Variants in IL34 observed in about 807,000 individuals in gnomAD.
The protein encoded by IL34 is interleukin-34.
A neutral mutation model predicts 25.3 loss-of-function variants in IL34; 17 were observed. That is an observed-to-expected ratio of 0.67 (90% CI 0.46 to 1.01). The LOEUF is 1.01. Among genes scored for constraint, IL34 ranks in the 50% least tolerant of loss-of-function variants. The pLI is 0.00. For missense variants in IL34, 368 were observed against 312.9 expected, an observed-to-expected ratio of 1.18 and a Z score of -1.33; for synonymous variants, 174 against 140.9, an observed-to-expected ratio of 1.23 and a Z score of -1.66.
chr16:70,613,036 G>T (rs185643843), intron 1 of IL34, among the ~76,000 whole-genome samples: 87 of 152,302 alleles, frequency 5.7e-4, no homozygotes, highest in African/African-American at 1.9e-3. Context: ...GCCTCCCAAA[G>T]TGCTGGGATT....
At chr16:70,611,836 T>C (rs1422038538) in intron 1 of IL34, among the ~76,000 whole-genome samples, 1 of 151,256 alleles carries the variant, frequency 6.6e-6, no homozygotes, top group Non-Finnish European at 1.5e-5. Flanking sequence ...AGAGCAAGAC[T>C]CTGTCTTAAA....
At chr16:70,628,493 A>ATTTT (rs899078206) in intron 1 of IL34, among the ~76,000 whole-genome samples, 18 of 146,300 alleles carry the variant, frequency 1.2e-4, no homozygotes, top group African/African-American at 4.2e-4. Context: ...TTATTTATTT[A>ATTTT]TTTTTTTTTT....
chr16:70,656,671 AC>A lies in IL34; in HGVS notation c.234del (p.Arg79GlyfsTer7). 2.2e-6 allele frequency: 3 copies of A among 1,370,532 alleles called. No individual in the cohort carries two copies. Among genetic ancestry groups the A allele is most frequent in the Non-Finnish European group, 3.1e-6 (3 of 957,556 alleles). The allele number at this position is 1,370,532 out of a possible 1,614,324, so 84.9% of individuals were successfully genotyped here. ...GGGGGTGTTCAGAATCGCCAACGTC[AC>A]CAGGCTGGTGAGAATCCCTTCCTGG... ...YEGVFRIANV[T>X]RLQRAQVSER... On this transcript the variant is annotated frameshift_variant, in exon 3 of 6. Transcript: ENST00000288098. LOFTEE classifies it high-confidence loss of function.
intron 1 of IL34, among the ~76,000 whole-genome samples, chr16:70,640,737 T>C (rs2051762460): frequency 6.6e-6 from 1 of 152,198 alleles, no homozygotes; most frequent in Non-Finnish European, 1.5e-5. Context: ...CTCATCCTCT[T>C]TAAGCATACG....
At chr16:70,596,410 G>C (rs1394421459) in intron 1 of IL34, among the ~76,000 whole-genome samples, 3 of 152,210 alleles carry the variant, frequency 2.0e-5, no homozygotes, top group Non-Finnish European at 2.9e-5. Context: ...AGAGGACCGT[G>C]GTCATGACAG....
chr16:70,658,505 C>T (rs941662101), intron 4 of IL34, among the ~76,000 whole-genome samples: 9 of 150,978 alleles, frequency 6.0e-5, no homozygotes, highest in African/African-American at 1.2e-4. Flanking sequence ...TTTTTTGAGG[C>T]GGAGTCTCAC....
At chr16:70,607,213 T>C (rs1410716474) in intron 1 of IL34, among the ~76,000 whole-genome samples, 2 of 152,226 alleles carry the variant, frequency 1.3e-5, no homozygotes, top group African/African-American at 4.8e-5. Context: ...GCTATTCTCC[T>C]GCCTCAGCCT....
chr16:70,645,783 G>A (rs1044663308), upstream of IL34, among the ~76,000 whole-genome samples: 1 of 152,168 alleles, frequency 6.6e-6, no homozygotes, highest in Non-Finnish European at 1.5e-5. Flanking sequence ...GCCGGGTGCG[G>A]TGGCTCACGC....
Position 70,651,916 on chromosome 16 carries a change from C to T in IL34, c.29-2622C>T, listed in dbSNP as rs537544484. 5.3e-5 allele frequency among the ~76,000 whole-genome samples: 8 copies of T among 149,918 alleles called. No individual in the cohort carries two copies. In the East Asian group the frequency reaches 1.6e-3, roughly 30 times the overall value. On this transcript the variant is annotated intron_variant, in intron 1 of 5. Transcript: ENST00000288098. Reference sequence around the variant, plus strand: ...TGAGGTGGGTGGATCACGAGGTCAGCAGTTCAAGAGCAGCCTGGCCAACCT... The same window carrying T: ...TGAGGTGGGTGGATCACGAGGTCAGTAGTTCAAGAGCAGCCTGGCCAACCT...
intron 1 of IL34, among the ~76,000 whole-genome samples, chr16:70,609,432 G>A (rs2051058577): frequency 6.6e-6 from 1 of 152,054 alleles, no homozygotes. Context: ...TTAAGTCCTG[G>A]GACCAGTGCT....
chr16:70,619,554 C>G (rs970034681), intron 1 of IL34, among the ~76,000 whole-genome samples: 6 of 151,992 alleles, frequency 3.9e-5, no homozygotes, highest in Non-Finnish European at 7.4e-5. Context: ...TCAATACCCA[C>G]AACAGTTATG....
At chr16:70,596,448 G>A (rs909630021) in intron 1 of IL34, among the ~76,000 whole-genome samples, 12 of 152,208 alleles carry the variant, frequency 7.9e-5, no homozygotes, top group African/African-American at 2.9e-4. Context: ...GGGAGCGTGA[G>A]TTGCTGCAAA....
intron 1 of IL34, among the ~76,000 whole-genome samples, chr16:70,592,742 C>T (rs1240705841): frequency 6.6e-6 from 1 of 152,110 alleles, no homozygotes; most frequent in Non-Finnish European, 1.5e-5. Flanking sequence ...GCAGCCTCTG[C>T]CTCCTGGGTG....
upstream of IL34, among the ~76,000 whole-genome samples, chr16:70,644,370 T>A (rs1597772813): frequency 6.6e-6 from 1 of 152,150 alleles, no homozygotes; most frequent in African/African-American, 2.4e-5. Flanking sequence ...CCAGCCAGAT[T>A]GACAATTTTT....
At chr16:70,628,445 T>G (rs925654746) in intron 1 of IL34, among the ~76,000 whole-genome samples, 1 of 151,970 alleles carries the variant, frequency 6.6e-6, no homozygotes, top group East Asian at 1.9e-4. Context: ...GTCTCTTTTC[T>G]AACTGGCTAG....
At chr16:70,620,059 A>G (rs543033584) in intron 1 of IL34, among the ~76,000 whole-genome samples, 2 of 151,974 alleles carry the variant, frequency 1.3e-5, no homozygotes, top group East Asian at 3.9e-4. Flanking sequence ...ACTTTTTTCT[A>G]TTATTGTACA....
Position 70,646,904 on chromosome 16 carries a change from C to T in IL34, c.-44C>T, listed in dbSNP as rs1433757791. 4 of 1,477,634 alleles carry T rather than the reference C, an allele frequency of 2.7e-6. No homozygotes were observed. The highest frequency in any genetic ancestry group is 1.5e-5 in the African/African-American group (1 of 67,650). 91.5% of individuals were successfully genotyped at this position (1,477,634 alleles called of 1,614,324 possible). A position where few individuals can be genotyped will look rare whatever the true frequency, so the allele number is the denominator to read the frequency against. ...TGCTTAGGCCTCTGTGGACACACTG[C>T]TGGGGACGGCGCCTGAGCTCTCAGG... is the stretch of plus-strand genomic sequence containing the variant. On this transcript the variant is annotated 5_prime_UTR_variant, in exon 1 of 6. Coordinates refer to ENST00000288098, the MANE Select transcript of IL34 (RefSeq NM_001393494.1).
At chr16:70,600,228 C>T (rs1201459310) in intron 1 of IL34, among the ~76,000 whole-genome samples, 1 of 152,148 alleles carries the variant, frequency 6.6e-6, no homozygotes, top group African/African-American at 2.4e-5. Context: ...CCCCTCTCTA[C>T]CCCCTGCCAC....
intron 1 of IL34, among the ~76,000 whole-genome samples, chr16:70,650,807 GC>G (rs1213757794): frequency 6.6e-6 from 1 of 152,166 alleles, no homozygotes; most frequent in Non-Finnish European, 1.5e-5. Flanking sequence ...GACAACCTGT[GC>G]CTTAACGAGC....
Sources: gnomAD v4.1 joint callset for allele counts (sites outside exome capture counted in the v4.1 genomes callset) on GRCh38, gnomAD v4.1.1 for gene constraint, MANE v1.5 for transcripts, NCBI Gene and HGNC (gene_info 2026-07-23, HGNC 2026-07-21) for gene names.